The following ACVR1B variants were observed in gnomAD, a reference collection of about 807,000 sequenced individuals.
ACVR1B encodes activin receptor type-1B.
Under a neutral mutation model 55.6 loss-of-function variants are expected in ACVR1B, and 15 were observed. The observed-to-expected ratio is 0.27, with a 90% CI of 0.18 to 0.42. The LOEUF (loss-of-function observed/expected upper bound fraction) is 0.42. ACVR1B is among the 10% of genes least tolerant of loss of function. The pLI is 1.00. For missense variants in ACVR1B, 359 were observed against 670.1 expected (o/e 0.54, Z 5.13); for synonymous variants, 247 against 254.6 (o/e 0.97, Z 0.28).
intron 7 of ACVR1B, chr12:51,987,752 T>G (rs941476789): frequency 8.5e-5 from 13 of 152,578 alleles, no homozygotes; most frequent in African/African-American, 3.1e-4. Flanking sequence ...TCCTGAAGCG[T>G]TCCATATTTT....
intron 7 of ACVR1B, chr12:51,987,299 C>T (rs567369723): frequency 2.9e-4 from 168 of 575,016 alleles, no homozygotes; most frequent in African/African-American, 2.3e-3. Context: ...TATTCTAACG[C>T]GGTGGCTCCC....
chr12:51,994,094 A>G lies in ACVR1B; in HGVS notation c.1502A>G (p.Glu501Gly), dbSNP rs778986546. 1 of 1,613,802 alleles carries G rather than the reference A, an allele frequency of 6.2e-7. No homozygotes were observed. Among genetic ancestry groups the G allele is most frequent in the South Asian group, 1.1e-5 (1 of 91,086 alleles). Residue 501 changes from glutamate to glycine, a missense_variant, in exon 9 of 9, where the codon GAA becomes GGA. Physicochemically the swap from Glu to Gly is moderately conservative, Grantham distance 98. Around this residue, in one of 5 missense-constraint regions of ACVR1B, gnomAD observed 53 missense variants for 78.5 expected, o/e 0.68. Coordinates refer to ENST00000257963, the MANE Select transcript of ACVR1B (RefSeq NM_004302.5). The surrounding 1 kb of genome is among the most constrained non-coding windows in gnomAD (Gnocchi z 4.2). ...ACCCTCTCCCAGCTCAGCGTGCAGG[A>G]AGACGTGAAGATCTAACTGCTCCCT... ...KKTLSQLSVQ[E>G]DVKI
At position 51,986,957 on chromosome 12, in the gene ACVR1B, T is replaced by C; in HGVS notation, c.1261+15T>C. The C allele has an allele frequency of 1.2e-6, 2 of 1,614,262 alleles. No homozygotes were observed. Among genetic ancestry groups the C allele is most frequent in the Non-Finnish European group, 1.7e-6 (2 of 1,180,046 alleles). ...CAATTCTGGAGGTACCTTTCTTTTT[T>C]GCCTTTGCTCCTACCTCCCATTCCA... On this transcript the variant is annotated intron_variant, in intron 7 of 8. Transcript: ENST00000257963.
intron 8 of ACVR1B, 176 bp downstream of exon 8, chr12:51,992,169 G>A: frequency 1.3e-6 from 1 of 796,188 alleles, no homozygotes; most frequent in Non-Finnish European, 1.9e-6. Flanking sequence ...CTCTTGTCCT[G>A]GACCCTGTAG....
At chr12:51,971,615 C>T (rs1423837691) in intron 1 of ACVR1B, among the ~76,000 whole-genome samples, 2 of 151,986 alleles carry the variant, frequency 1.3e-5, no homozygotes, top group Middle Eastern at 3.2e-3. Flanking sequence ...ATTTAGTGTG[C>T]GTGATTTAAT....
chr12:51,966,059 C>T (rs1435969036), intron 1 of ACVR1B, among the ~76,000 whole-genome samples: 2 of 150,606 alleles, frequency 1.3e-5, no homozygotes, highest in Non-Finnish European at 3.0e-5. Flanking sequence ...GAGGAAAATA[C>T]TACTAAAAAA....
At chr12:51,968,414 G>A (rs932455401) in intron 1 of ACVR1B, among the ~76,000 whole-genome samples, 16 of 152,190 alleles carry the variant, frequency 1.1e-4, no homozygotes, top group Non-Finnish European at 1.2e-4. Context: ...AATTTAAGTA[G>A]TGATAAATAT....
chr12:51,989,867 C>T (rs1390476092), intron 7 of ACVR1B, among the ~76,000 whole-genome samples: 1 of 152,126 alleles, frequency 6.6e-6, no homozygotes, highest in South Asian at 2.1e-4. Context: ...CGCCTGTAGT[C>T]CCAGCTACTT....
At chr12:51,969,753 G>GGGA (rs1565614011) in intron 1 of ACVR1B, among the ~76,000 whole-genome samples, 2 of 152,154 alleles carry the variant, frequency 1.3e-5, no homozygotes, top group Non-Finnish European at 2.9e-5. Context: ...GCGTGGTGGG[G>GGGA]TATACTTGTA....
At chr12:51,969,008 A>G (rs1941693503) in intron 1 of ACVR1B, among the ~76,000 whole-genome samples, 2 of 152,198 alleles carry the variant, frequency 1.3e-5, no homozygotes, top group Admixed American at 6.5e-5. Context: ...GACCGCATCA[A>G]GAAGAACGAA....
At chr12:51,956,038 G>A (rs182393813) in intron 1 of ACVR1B, among the ~76,000 whole-genome samples, 1 of 152,302 alleles carries the variant, frequency 6.6e-6, no homozygotes, top group African/African-American at 2.4e-5. Context: ...ATGGAGAAAT[G>A]GTGTGCTAAG....
At chr12:51,958,745 G>A (rs1253433954) in intron 1 of ACVR1B, among the ~76,000 whole-genome samples, 4 of 152,138 alleles carry the variant, frequency 2.6e-5, no homozygotes, top group Admixed American at 6.5e-5. Context: ...GCGGTTCACC[G>A]TAGGTTTCCC....
At chr12:51,961,788 G>A (rs941074844) in intron 1 of ACVR1B, among the ~76,000 whole-genome samples, 6 of 152,194 alleles carry the variant, frequency 3.9e-5, no homozygotes, top group African/African-American at 1.4e-4. Context: ...GGTTTTACAT[G>A]TTCATCATAA....
intron 1 of ACVR1B, among the ~76,000 whole-genome samples, chr12:51,967,463 G>A (rs1272171494): frequency 6.6e-6 from 1 of 152,086 alleles, no homozygotes; most frequent in Non-Finnish European, 1.5e-5. Context: ...GGAGGCTGAG[G>A]CAGGAGAATC....
chr12:51,982,676 G>C, intron 4 of ACVR1B: 1 of 1,512,368 alleles, frequency 6.6e-7, no homozygotes, highest in Non-Finnish European at 8.8e-7. Flanking sequence ...TTTCATTCCT[G>C]AAACAACAGC....
chr12:51,970,892 T>A (rs1465948632), intron 1 of ACVR1B, among the ~76,000 whole-genome samples: 2 of 152,206 alleles, frequency 1.3e-5, no homozygotes, highest in Non-Finnish European at 2.9e-5. Flanking sequence ...ATAATTACTA[T>A]AGCTTCAAAA....
chr12:51,965,022 A>T (rs1941613078), intron 1 of ACVR1B, among the ~76,000 whole-genome samples: 1 of 151,954 alleles, frequency 6.6e-6, no homozygotes, highest in Non-Finnish European at 1.5e-5. Flanking sequence ...TGAGATTCTG[A>T]TAGGGATTGT....
chr12:51,970,345 T>A (rs2058021139), intron 1 of ACVR1B, among the ~76,000 whole-genome samples: 1 of 152,200 alleles, frequency 6.6e-6, no homozygotes, highest in Admixed American at 6.5e-5. Flanking sequence ...GGTTTACCGC[T>A]TGTGAGCCCC....
chr12:51,972,993 C>CGTTCT (rs1941774831), intron 1 of ACVR1B, among the ~76,000 whole-genome samples: 1 of 152,152 alleles, frequency 6.6e-6, no homozygotes. Flanking sequence ...CCCCCAGTTC[C>CGTTCT]GTTCTTCGTC....
Sources: gnomAD v4.1 joint callset for allele counts (sites outside exome capture counted in the v4.1 genomes callset) on GRCh38, gnomAD v4.1.1 for gene constraint, gnomAD v4.1.1 regional missense constraint, Gnocchi (gnomAD v3.1) non-coding constraint, MANE v1.5 for transcripts, NCBI Gene and HGNC (gene_info 2026-07-23, HGNC 2026-07-21) for gene names.